Variants in GNA12 observed in about 807,000 individuals in gnomAD.
GNA12 encodes G protein subunit alpha 12, also known as guanine nucleotide-binding protein subunit alpha-12.
GNA12 carries 9 observed loss-of-function variants against 26.0 expected under a neutral mutation model. The observed-to-expected ratio is 0.35, with a 90% CI of 0.21 to 0.60. GNA12 has a LOEUF of 0.60. Among genes scored for constraint, GNA12 ranks in the 20% least tolerant of loss-of-function variants. GNA12 has a pLI of 0.78. For missense variants in GNA12, 405 were observed against 525.8 expected (o/e 0.77, Z 2.25); for synonymous variants, 264 against 219.6 (o/e 1.20, Z -1.79).
intron 1 of GNA12, among the ~76,000 whole-genome samples, chr7:2,815,890 C>T (rs1478809306): frequency 6.6e-6 from 1 of 152,242 alleles, no homozygotes; most frequent in African/African-American, 2.4e-5. Flanking sequence ...ATTTTTCATT[C>T]ATCTGAAAAT....
At chr7:2,741,864 C>T (rs1247344896) in intron 2 of GNA12, among the ~76,000 whole-genome samples, 1 of 150,180 alleles carries the variant, frequency 6.7e-6, no homozygotes, top group African/African-American at 2.5e-5. Context: ...GGATGACTGT[C>T]TCATAATTAC....
chr7:2,733,423 G>C (rs200691408), intron 3 of GNA12, 28 bp downstream of exon 3: 42 of 1,607,560 alleles, frequency 2.6e-5, no homozygotes, highest in Non-Finnish European at 3.1e-5. Context: ...CTGGAGCCCA[G>C]CTTCTTCGGG....
At chr7:2,758,139 T>C (rs1402605101) in intron 2 of GNA12, among the ~76,000 whole-genome samples, 1 of 152,166 alleles carries the variant, frequency 6.6e-6, no homozygotes, top group African/African-American at 2.4e-5. Flanking sequence ...TACTATCCTA[T>C]TCTTAAACAA....
chr7:2,735,794 C>A (rs1403930331), intron 2 of GNA12, among the ~76,000 whole-genome samples: 1 of 152,156 alleles, frequency 6.6e-6, no homozygotes, highest in Non-Finnish European at 1.5e-5. Flanking sequence ...GTCAGGGCGG[C>A]CTCATCTCGA....
At chr7:2,796,658 C>T (rs550339537) in intron 1 of GNA12, among the ~76,000 whole-genome samples, 1 of 152,320 alleles carries the variant, frequency 6.6e-6, no homozygotes, top group South Asian at 2.1e-4. Context: ...CTAGATTTAA[C>T]GTCACCATCG....
At chr7:2,784,944 T>G (rs139274151) in intron 2 of GNA12, among the ~76,000 whole-genome samples, 2 of 152,204 alleles carry the variant, frequency 1.3e-5, no homozygotes, top group Non-Finnish European at 2.9e-5. Context: ...ATTAACTCTA[T>G]TACATCACAC....
intron 2 of GNA12, among the ~76,000 whole-genome samples, chr7:2,748,391 C>G (rs1196161592): frequency 3.9e-5 from 6 of 152,152 alleles, no homozygotes; most frequent in Admixed American, 6.6e-5. Flanking sequence ...ACAAACCTGA[C>G]AGAAACAAGC....
chr7:2,789,738 C>T (rs949707594), intron 2 of GNA12, among the ~76,000 whole-genome samples: 1 of 152,196 alleles, frequency 6.6e-6, no homozygotes, highest in African/African-American at 2.4e-5. Context: ...CACAGCATCT[C>T]CCTGGCCATG....
Position 2,774,434 on chromosome 7 carries a change from G to C in GNA12, c.525+20494C>G, listed in dbSNP as rs118071436. On this transcript the variant is annotated intron_variant, in intron 2 of 3. Transcript: ENST00000275364. ...GTCAAAACCTTGATGAGATAAAGGA[G>C]GAAGTGCATTCCAGGCAGAAGGAAC... 9.3e-3 allele frequency among the ~76,000 whole-genome samples: 1,419 copies of C among 152,296 alleles called. 12 individuals are homozygous for C. Among genetic ancestry groups the C allele is most frequent in the Middle Eastern group, 0.071 (21 of 294 alleles).
intron 2 of GNA12, among the ~76,000 whole-genome samples, chr7:2,792,199 G>A (rs747298381): frequency 6.6e-6 from 1 of 152,104 alleles, no homozygotes; most frequent in Non-Finnish European, 1.5e-5. Flanking sequence ...ATGTAGCACC[G>A]GGTCTCACAC....
chr7:2,747,359 G>C (rs2115349742), intron 2 of GNA12, among the ~76,000 whole-genome samples: 1 of 152,260 alleles, frequency 6.6e-6, no homozygotes, highest in Admixed American at 6.5e-5. Flanking sequence ...ATGCAAGGCT[G>C]GTTCAACATA....
chr7:2,797,682 G>C (rs1202117771), intron 1 of GNA12, among the ~76,000 whole-genome samples: 1 of 152,108 alleles, frequency 6.6e-6, no homozygotes, highest in East Asian at 1.9e-4. Context: ...TGAGTCAGAC[G>C]TAATGATGAC....
At chr7:2,761,916 G>A (rs893077656) in intron 2 of GNA12, among the ~76,000 whole-genome samples, 1 of 152,126 alleles carries the variant, frequency 6.6e-6, no homozygotes, top group East Asian at 1.9e-4. Context: ...TCGTATCCAC[G>A]GAATGTCCAA....
chr7:2,810,347 C>T (rs1458633700), intron 1 of GNA12, among the ~76,000 whole-genome samples: 1 of 152,144 alleles, frequency 6.6e-6, no homozygotes, highest in African/African-American at 2.4e-5. Context: ...GGGCTCTGTC[C>T]TTGTGATCTC....
At chr7:2,732,593 C>T (rs182653771) in intron 3 of GNA12, among the ~76,000 whole-genome samples, 64 of 152,236 alleles carry the variant, frequency 4.2e-4, no homozygotes, top group Admixed American at 6.5e-5. Flanking sequence ...AAACACCTCC[C>T]GTGATGAGTG....
intron 2 of GNA12, among the ~76,000 whole-genome samples, chr7:2,737,812 TAATA>T (rs1362304678): frequency 3.9e-5 from 6 of 152,346 alleles, no homozygotes; most frequent in African/African-American, 7.2e-5. Flanking sequence ...TTTCATTACT[TAATA>T]AATAAATATT....
At chr7:2,815,439 A>T (rs1320336503) in intron 1 of GNA12, among the ~76,000 whole-genome samples, 1 of 152,054 alleles carries the variant, frequency 6.6e-6, no homozygotes, top group Non-Finnish European at 1.5e-5. Context: ...CGTGTAGGAG[A>T]GATGACTCAG....
chr7:2,765,615 G>GT lies in GNA12; in HGVS notation c.525+29312dup, dbSNP rs555000709. Among the ~76,000 whole-genome samples, 1,194 of 145,848 alleles carry GT rather than the reference G, an allele frequency of 8.2e-3. 2 individuals are homozygous for GT. The highest frequency in any genetic ancestry group is 0.013 in the Non-Finnish European group (842 of 65,800). On this transcript the variant is annotated intron_variant, in intron 2 of 3. Transcript: ENST00000275364. ...GTAGGGAGTTCTGTATCCTGTGTTT[G>GT]TTTTTTTTTTTCTTCTTTTTATTTT...
chr7:2,816,617 G>T (rs995119486), intron 1 of GNA12, among the ~76,000 whole-genome samples: 4 of 152,064 alleles, frequency 2.6e-5, no homozygotes, highest in Non-Finnish European at 5.9e-5. Flanking sequence ...ATTGATTATG[G>T]ACTCAAAACA....
Sources: gnomAD v4.1 joint callset for allele counts (sites outside exome capture counted in the v4.1 genomes callset) on GRCh38, gnomAD v4.1.1 for gene constraint, MANE v1.5 for transcripts, NCBI Gene and HGNC (gene_info 2026-07-23, HGNC 2026-07-21) for gene names.